Variants in CTNNA2 observed in about 807,000 individuals in gnomAD.
CTNNA2 encodes the protein catenin alpha-2.
A neutral mutation model predicts 101.0 loss-of-function variants in CTNNA2; 42 were observed. The observed-to-expected ratio is 0.42, with a 90% CI of 0.32 to 0.54. CTNNA2 has a LOEUF of 0.54. Ranked by LOEUF, CTNNA2 falls within the 20% of genes least tolerant of loss-of-function variation. CTNNA2 has a pLI of 0.14. For synonymous variants in CTNNA2, 450 were observed against 456.4 expected (o/e 0.99, Z 0.18); for missense variants, 871 against 1,223.1 (o/e 0.71, Z 4.29).
At chr2:80,050,677 T>A (rs1696818145) in intron 7 of CTNNA2, among the ~76,000 whole-genome samples, 1 of 152,112 alleles carries the variant, frequency 6.6e-6, no homozygotes, top group African/African-American at 2.4e-5. Context: ...AAACCCTAAC[T>A]GAAGAGAACA....
upstream of CTNNA2, among the ~76,000 whole-genome samples, chr2:79,508,721 A>T (rs977917883): frequency 1.3e-5 from 2 of 151,912 alleles, no homozygotes; most frequent in Admixed American, 1.3e-4. Context: ...TAAAATTCTC[A>T]CAAGAAAGTC....
chr2:79,934,646 C>T (rs1025480599), intron 7 of CTNNA2, among the ~76,000 whole-genome samples: 2 of 152,172 alleles, frequency 1.3e-5, no homozygotes, highest in African/African-American at 4.8e-5. Flanking sequence ...CTGGTTGCCT[C>T]TTCTGTGATG....
intron 7 of CTNNA2, among the ~76,000 whole-genome samples, chr2:80,126,910 A>G (rs2148888206): frequency 6.6e-6 from 1 of 152,308 alleles, no homozygotes; most frequent in Non-Finnish European, 1.5e-5. Context: ...TAAGAAAACC[A>G]CATGGGGAGG....
intron 4 of CTNNA2, among the ~76,000 whole-genome samples, chr2:79,400,436 T>G (rs1678277568): frequency 6.6e-6 from 1 of 151,900 alleles, no homozygotes; most frequent in Admixed American, 6.6e-5. Flanking sequence ...ATAGAGAATA[T>G]CAATAAAGAG....
At chr2:80,512,570 C>G (rs891924355) in intron 9 of CTNNA2, among the ~76,000 whole-genome samples, 1 of 152,164 alleles carries the variant, frequency 6.6e-6, no homozygotes. Flanking sequence ...CTCAGGTTAA[C>G]GTTTAAAATT....
At chr2:79,886,039 T>G (rs952772429) in intron 6 of CTNNA2, among the ~76,000 whole-genome samples, 1 of 152,356 alleles carries the variant, frequency 6.6e-6, no homozygotes, top group African/African-American at 2.4e-5. Flanking sequence ...GAGTGTCATA[T>G]GTAAAAGGAG....
At chr2:80,239,568 T>C (rs1015454700) in intron 7 of CTNNA2, among the ~76,000 whole-genome samples, 1 of 152,298 alleles carries the variant, frequency 6.6e-6, no homozygotes, top group Middle Eastern at 3.4e-3. Context: ...CAAAGTTTAA[T>C]TTATAAATCG....
At chr2:80,597,542 A>G (rs773418991) in intron 15 of CTNNA2, among the ~76,000 whole-genome samples, 2 of 152,210 alleles carry the variant, frequency 1.3e-5, no homozygotes, top group Non-Finnish European at 2.9e-5. Flanking sequence ...CAGGCAACCT[A>G]CAGAATGGGA....
At chr2:80,391,739 G>A (rs895655095) in intron 7 of CTNNA2, among the ~76,000 whole-genome samples, 23 of 152,200 alleles carry the variant, frequency 1.5e-4, no homozygotes, top group African/African-American at 4.8e-4. Flanking sequence ...AGAGCAGCAC[G>A]TTATTCTTCT....
intron 7 of CTNNA2, among the ~76,000 whole-genome samples, chr2:80,180,830 G>A (rs1340093473): frequency 2.0e-5 from 3 of 152,156 alleles, no homozygotes; most frequent in Non-Finnish European, 2.9e-5. Context: ...GGCATTTGCA[G>A]CTTGCTCACA....
In CTNNA2 at chr2:79,318,025, C is replaced by T. The variant is rs144422628; in HGVS notation, c.-318+5229C>T. ...AAATATTTCTTGGTCACCTATCATG[C>T]TTAAACAAATAAAAGATAAATGTTA... On this transcript the variant is annotated intron_variant, in intron 3 of 21. Transcript: ENST00000466387. Among the ~76,000 whole-genome samples the T allele has an allele frequency of 5.3e-3, 811 of 152,046 alleles. 3 individuals carry two copies. Among genetic ancestry groups the T allele is most frequent in the Admixed American group, 0.01 (154 of 15,248 alleles).
At chr2:79,384,857 A>G (rs1390159164) in intron 4 of CTNNA2, among the ~76,000 whole-genome samples, 2 of 152,174 alleles carry the variant, frequency 1.3e-5, no homozygotes, top group Non-Finnish European at 2.9e-5. Flanking sequence ...ACATTAACTT[A>G]TACTAGGAAT....
At chr2:79,288,921 C>A (rs1455139635) in intron 2 of CTNNA2, among the ~76,000 whole-genome samples, 1 of 151,930 alleles carries the variant, frequency 6.6e-6, no homozygotes, top group Admixed American at 6.5e-5. Context: ...TACATTTTCT[C>A]AAAATTGAAA....
intron 4 of CTNNA2, among the ~76,000 whole-genome samples, chr2:79,483,004 C>T (rs956697346): frequency 5.9e-5 from 9 of 152,180 alleles, no homozygotes; most frequent in African/African-American, 1.7e-4. Context: ...CACTGGCAAA[C>T]CTGAGCTGGT....
At chr2:79,724,024 A>C (rs543288349) in intron 2 of CTNNA2, among the ~76,000 whole-genome samples, 1 of 152,148 alleles carries the variant, frequency 6.6e-6, no homozygotes, top group Admixed American at 6.6e-5. Flanking sequence ...TGTCTACAGT[A>C]TCAGCAGTCT....
intron 7 of CTNNA2, among the ~76,000 whole-genome samples, chr2:80,311,172 C>T (rs1411916912): frequency 2.0e-5 from 3 of 151,992 alleles, no homozygotes; most frequent in East Asian, 1.9e-4. Context: ...GATTAATATC[C>T]TTATACCTTT....
chr2:80,324,480 T>C (rs960726148), intron 7 of CTNNA2, among the ~76,000 whole-genome samples: 4 of 152,168 alleles, frequency 2.6e-5, no homozygotes, highest in Non-Finnish European at 5.9e-5. Flanking sequence ...CTTAAAGATT[T>C]CATGTACAAC....
At chr2:80,337,183 G>A (rs771333029) in intron 7 of CTNNA2, among the ~76,000 whole-genome samples, 1 of 151,984 alleles carries the variant, frequency 6.6e-6, no homozygotes, top group Non-Finnish European at 1.5e-5. Flanking sequence ...GTGAAACCCC[G>A]TCTCTACTAA....
At chr2:80,551,891 C>T (rs1453931745) in intron 11 of CTNNA2, among the ~76,000 whole-genome samples, 1 of 152,174 alleles carries the variant, frequency 6.6e-6, no homozygotes, top group African/African-American at 2.4e-5. Context: ...ACATGTCTTC[C>T]TCACTAAGCT....
Sources: gnomAD v4.1 joint callset for allele counts (sites outside exome capture counted in the v4.1 genomes callset) on GRCh38, gnomAD v4.1.1 for gene constraint, MANE v1.5 for transcripts, NCBI Gene and HGNC (gene_info 2026-07-23, HGNC 2026-07-21) for gene names.